PCK1: variants seen among roughly 807,000 people sequenced by gnomAD.
PCK1 encodes the protein phosphoenolpyruvate carboxykinase, cytosolic [GTP].
Under a neutral mutation model 50.3 loss-of-function variants are expected in PCK1, and 44 were observed. The ratio of observed to expected loss-of-function variants is 0.87; its 90% CI spans 0.69 to 1.12. The LOEUF (loss-of-function observed/expected upper bound fraction) is 1.12, where lower values mean the gene tolerates loss of function less well. Ranked by LOEUF, PCK1 falls within the 50% of genes most tolerant of loss-of-function variation. The probability of loss-of-function intolerance (pLI) is 0.00; values close to 1 mark genes in which losing one functional copy is unlikely to be tolerated. For synonymous variants in PCK1, 332 were observed against 314.3 expected, an observed-to-expected ratio of 1.06 and a Z score of -0.59; for missense variants, 790 against 815.0, an observed-to-expected ratio of 0.97 and a Z score of 0.37.
chr20:57,564,528 C>G lies in PCK1; in HGVS notation c.1233C>G (p.Ser411Arg), dbSNP rs751797494. ...HPNSRFCTPA[S>R]QCPIIDAAWE... is the part of the protein sequence containing the mutation. ...ACTCGAGGTTCTGCACCCCTGCCAGCCAGTGCCCCATCATTGATGCTGCCT... is the reference window on the plus strand; with the variant it reads ...ACTCGAGGTTCTGCACCCCTGCCAGGCAGTGCCCCATCATTGATGCTGCCT... The change falls in exon 8 of 10, where the codon AGC becomes AGG. Residue 411 changes from serine to arginine, a missense_variant. Ser to Arg is a moderately radical substitution (Grantham distance 110). Coordinates refer to ENST00000319441, the MANE Select transcript of PCK1 (RefSeq NM_002591.4). The G allele has an allele frequency of 1.2e-6, 2 of 1,614,104 alleles. No individual in the cohort carries two copies. Among genetic ancestry groups the G allele is most frequent in the Non-Finnish European group, 1.7e-6 (2 of 1,179,954 alleles).
Position 57,562,226 on chromosome 20 carries a change from A to G in PCK1, c.380A>G (p.Asn127Ser), listed in dbSNP as rs2070152663. The change falls in exon 3 of 10, where the codon AAT (asparagine) becomes AGT (serine). Residue 127 changes from asparagine (N) to serine (S), a missense_variant. By Grantham distance (46) the Asn-to-Ser change is conservative (BLOSUM62 1). Coordinates refer to ENST00000319441, the MANE Select transcript of PCK1 (RefSeq NM_002591.4). ...GAGGAGGATTTTGAGAAAGCGTTCA[A>G]TGCCAGGTTCCCAGGGTGCATGAAA... ...MSEEDFEKAF[N>S]ARFPGCMKGR... The G allele has an allele frequency of 1.2e-6, 2 of 1,614,212 alleles. No individual in the cohort carries two copies. Among genetic ancestry groups the G allele is most frequent in the Non-Finnish European group, 8.5e-7 (1 of 1,180,040 alleles).
chr20:57,563,188 G>A lies in PCK1; in HGVS notation c.771G>A (p.Glu257=), dbSNP rs1467468657. 6.2e-7 allele frequency: 1 copy of A among 1,613,676 alleles called. No homozygotes were observed. The highest frequency in any genetic ancestry group is 2.2e-5 in the East Asian group (1 of 44,888). The part of the protein sequence containing the change: ...ALRMASRLAK[E]EGWLAEHMLI... ...GGATGGCCAGCCGGCTGGCCAAGGA[G>A]GAAGGGTGGCTGGCAGAGCACATGC... Residue 257 remains glutamate, a synonymous_variant, in exon 5 of 10, where the codon GAG becomes GAA. Coordinates refer to ENST00000319441, the MANE Select transcript of PCK1 (RefSeq NM_002591.4).
rs1189769474 is a variant in PCK1, at chr20:57,563,726, A to C, written c.960A>C (p.Gln320His). The change falls in exon 6 of 10, where the codon CAA (glutamine) becomes CAC (histidine). Residue 320 changes from glutamine to histidine, a missense_variant and splice_region_variant. Gln to His is a conservative substitution (Grantham distance 24). Transcript: ENST00000319441. ...DDIAWMKFDA[Q>H]GHLRAINPEN... is the part of the protein sequence containing the mutation. ...TTGCCTGGATGAAGTTTGACGCACA[A>C]GGTGACTCTTTTAGACCCAACTCTT... The C allele has an allele frequency of 6.2e-7, 1 of 1,606,996 alleles. No homozygotes were observed. Among genetic ancestry groups the C allele is most frequent in the African/African-American group, 1.3e-5 (1 of 74,502 alleles).
chr20:57,563,392 C>T (rs2070171118), intron 5 of PCK1, 173 bp from the exon 6 acceptor site: 1 of 696,604 alleles, frequency 1.4e-6, no homozygotes, highest in East Asian at 2.7e-5. Flanking sequence ...TGAAGGCCCC[C>T]AAACACCAGG....
In PCK1 at chr20:57,565,760, G is replaced by A. The variant is rs17847705; in HGVS notation, c.1825G>A (p.Glu609Lys). 6.5e-5 allele frequency: 105 copies of A among 1,613,092 alleles called. 3 individuals carry two copies. The East Asian group carries it at 1.8e-3, about 27-fold the overall frequency. ...QVNADLPCEI[E>K]REILALKQRI... ...CAATGCCGACCTCCCCTGTGAAATCGAGAGAGAGATCCTTGCCTTGAAGCA... is the reference window on the plus strand; with the variant it reads ...CAATGCCGACCTCCCCTGTGAAATCAAGAGAGAGATCCTTGCCTTGAAGCA... The change falls in exon 10 of 10, where the codon GAG (glutamate) becomes AAG (lysine). Residue 609 changes from glutamate to lysine, a missense_variant. Physicochemically the swap from Glu to Lys is moderately conservative, Grantham distance 56. Transcript: ENST00000319441.
intron 2 of PCK1, chr20:57,561,867 A>G: frequency 1.6e-6 from 1 of 612,150 alleles, no homozygotes; most frequent in Non-Finnish European, 2.9e-6. Flanking sequence ...TTCCTGATTA[A>G]AAAAAAGGCA....
In PCK1 at chr20:57,564,843, A is replaced by C. The variant is rs28359551; in HGVS notation, c.1319-197A>C. 2.4e-3 allele frequency: 1,538 copies of C among 631,654 alleles called. 11 individuals carry two copies. In the African/African-American group the frequency reaches 0.025, roughly 10 times the overall value. 39.1% of individuals were successfully genotyped at this position (631,654 alleles called of 1,614,324 possible). On this transcript the variant is annotated intron_variant, in intron 8 of 9. Transcript: ENST00000319441. ...ATCTATTGTAGCTTGATCAAATTTT[A>C]CTTTTTACTTTGTGGCCTCAGTCAT...
Position 57,562,181 on chromosome 20 carries a change from A to AGCTC in PCK1, c.337_340dup (p.Gly114AlafsTer11). ...CCCATCCCCAAAACAGGCCTCAGCC[A>AGCTC]GCTCGGTCGCTGGATGTCAGAGGAG... On this transcript the variant is annotated frameshift_variant, in exon 3 of 10. Coordinates refer to ENST00000319441, the MANE Select transcript of PCK1 (RefSeq NM_002591.4). LOFTEE classifies it high-confidence loss of function. 1 of 1,614,220 alleles carries AGCTC rather than the reference A, an allele frequency of 6.2e-7. No homozygotes were observed. Among genetic ancestry groups the AGCTC allele is most frequent in the Non-Finnish European group, 8.5e-7 (1 of 1,180,024 alleles).
rs907601736 is a variant in PCK1, at chr20:57,565,614, A to T, written c.1679A>T (p.Lys560Met). 10 of 1,614,148 alleles carry T rather than the reference A, an allele frequency of 6.2e-6. No individual in the cohort carries two copies. The highest frequency in any genetic ancestry group is 4.0e-5 in the African/African-American group (3 of 75,054). ...CTCACGCCCATAGGCTACATCCCCAAGGAGGATGCCCTGAACCTGAAAGGC... is the reference window on the plus strand; with the variant it reads ...CTCACGCCCATAGGCTACATCCCCATGGAGGATGCCCTGAACCTGAAAGGC... ...TKLTPIGYIP[K>M]EDALNLKGLG... Residue 560 changes from lysine to methionine, a missense_variant, in exon 10 of 10, where the codon AAG becomes ATG. By Grantham distance (95) the Lys-to-Met change is moderately conservative. Coordinates refer to ENST00000319441, the MANE Select transcript of PCK1 (RefSeq NM_002591.4).
chr20:57,561,785 T>G, intron 2 of PCK1, 150 bp downstream of exon 2: 1 of 627,626 alleles, frequency 1.6e-6, no homozygotes, highest in Non-Finnish European at 2.8e-6. Context: ...CATACAGACT[T>G]GAATTTTGTG....
chr20:57,567,888 C>T lies in PCK1; in HGVS notation c.*2084C>T, dbSNP rs1390057702. 6.6e-6 allele frequency: 1 copy of T among 152,356 alleles called. No individual in the cohort carries two copies. Among genetic ancestry groups the T allele is most frequent in the Non-Finnish European group, 1.5e-5 (1 of 68,126 alleles). The allele number at this position is 152,356 out of a possible 1,614,324, so 9.4% of individuals were successfully genotyped here. The stretch of plus-strand genomic sequence containing the variant: ...ATCAGCCACCTGGCAAGCAGTCTCA[C>T]ATAGGACCATTTGCCAGCAGGCCCT... On this transcript the variant is annotated 3_prime_UTR_variant, in exon 10 of 10. Coordinates refer to ENST00000319441, the MANE Select transcript of PCK1 (RefSeq NM_002591.4).
Position 57,562,851 on chromosome 20 carries a change from G to A in PCK1, c.562G>A (p.Glu188Lys). 6.2e-7 allele frequency: 1 copy of A among 1,614,016 alleles called. No homozygotes were observed. Among genetic ancestry groups the A allele is most frequent in the Non-Finnish European group, 8.5e-7 (1 of 1,179,834 alleles). ...TPVLEAVGDG[E>K]FVKCLHSVGC... is the part of the protein sequence containing the mutation. ...CGTCCTGGAAGCAGTGGGCGATGGG[G>A]AGTTTGTCAAATGCCTCCATTCTGT... is the stretch of plus-strand genomic sequence containing the variant. The change falls in exon 4 of 10, where the codon GAG (glutamate) becomes AAG (lysine). Residue 188 changes from glutamate to lysine, a missense_variant. Coordinates refer to ENST00000319441, the MANE Select transcript of PCK1 (RefSeq NM_002591.4).
chr20:57,564,782 A>G, intron 8 of PCK1, 169 bp downstream of exon 8: 3 of 661,206 alleles, frequency 4.5e-6, no homozygotes, highest in Non-Finnish European at 7.7e-6. Flanking sequence ...TGTAGAACCA[A>G]CCCTTCTGGT....
intron 2 of PCK1, chr20:57,561,844 T>A (rs2146526481): frequency 1.9e-6 from 1 of 515,526 alleles, no homozygotes; most frequent in African/African-American, 1.9e-5. Flanking sequence ...GCACAAAAGC[T>A]CTGCCAACTA....
intron 6 of PCK1, 31 bp downstream of exon 6, chr20:57,563,758 G>A (rs376167846): frequency 1.7e-5 from 26 of 1,560,412 alleles, no homozygotes; most frequent in African/African-American, 1.1e-4. Context: ...TCTTGGTAAC[G>A]ATTGGACTCA....
At chr20:57,565,238 G>C (rs897291556) in intron 9 of PCK1, 103 bp downstream of exon 9, 2 of 1,289,624 alleles carry the variant, frequency 1.6e-6, no homozygotes, top group Non-Finnish European at 2.2e-6. Context: ...TGGGGAGAGA[G>C]AGAGAGAGAA....
Position 57,565,362 on chromosome 20 carries a change from T to C in PCK1, c.1427T>C (p.Met476Thr). The change falls in exon 10 of 10, where the codon ATG (methionine) becomes ACG (threonine). Residue 476 changes from methionine to threonine, a missense_variant. Met to Thr is a moderately conservative substitution (Grantham distance 81). Coordinates refer to ENST00000319441, the MANE Select transcript of PCK1 (RefSeq NM_002591.4). ...AAAEHKGKIIMHDPFAMRPFF... is the reference protein window; with the variant it reads ...AAAEHKGKIITHDPFAMRPFF... ...CTCTGTTTAACAGGCAAAATCATCA[T>C]GCATGACCCCTTTGCCATGCGGCCC... 1 of 1,613,898 alleles carries C rather than the reference T, an allele frequency of 6.2e-7. No individual in the cohort carries two copies. Among genetic ancestry groups the C allele is most frequent in the Non-Finnish European group, 8.5e-7 (1 of 1,179,734 alleles).
Position 57,563,081 on chromosome 20 carries a change from C to T in PCK1, c.664C>T (p.Leu222=), listed in dbSNP as rs2070166092. ...CCCGGAGCTGACGCTCATCGCCCAC[C>T]TGCCTGACCGCAGAGAGATCATCTC... ...CNPELTLIAH[L]PDRREIISFG... Residue 222 remains leucine (L), a synonymous_variant, in exon 5 of 10, where the codon CTG becomes TTG. Coordinates refer to ENST00000319441, the MANE Select transcript of PCK1 (RefSeq NM_002591.4). 1 of 1,614,010 alleles carries T rather than the reference C, an allele frequency of 6.2e-7. No homozygotes were observed. The highest frequency in any genetic ancestry group is 1.7e-5 in the Admixed American group (1 of 60,018).
At chr20:57,562,595 A>G in intron 3 of PCK1, 101 bp from the exon 4 acceptor site, 1 of 923,946 alleles carries the variant, frequency 1.1e-6, no homozygotes, top group Non-Finnish European at 1.7e-6. Flanking sequence ...TGGTGGTGTT[A>G]GTGGAACACC....
Sources: allele counts gnomAD v4.1 joint callset, GRCh38; gene constraint gnomAD v4.1.1; transcripts MANE v1.5; gene names NCBI Gene and HGNC (gene_info 2026-07-23, HGNC 2026-07-21).